SULF2: variants seen among roughly 807,000 people sequenced by gnomAD.
The protein encoded by SULF2 is sulfatase 2, also known as extracellular sulfatase Sulf-2.
In SULF2, 52 loss-of-function variants were observed where a neutral mutation model predicts 107.7. That is an observed-to-expected ratio of 0.48 (90% CI 0.39 to 0.61). The LOEUF (loss-of-function observed/expected upper bound fraction) is 0.61, where lower values mean the gene tolerates loss of function less well. SULF2 is among the 20% of genes least tolerant of loss of function. The probability of loss-of-function intolerance (pLI) is 0.00; values close to 1 mark genes in which losing one functional copy is unlikely to be tolerated. For missense variants in SULF2, 993 were observed against 1,177.3 expected (o/e 0.84, Z 2.29); for synonymous variants, 460 against 464.3 (o/e 0.99, Z 0.12).
At chr20:47,668,657 G>A (rs1425223906) in intron 11 of SULF2, among the ~76,000 whole-genome samples, 2 of 152,228 alleles carry the variant, frequency 1.3e-5, no homozygotes, top group African/African-American at 2.4e-5. Context: ...AGGATGGCAC[G>A]AAACGGAACT....
At chr20:47,684,677 G>C (rs1257140659) in intron 5 of SULF2, 96 bp from the exon 6 acceptor site, 1 of 1,312,156 alleles carries the variant, frequency 7.6e-7, no homozygotes, top group Non-Finnish European at 1.1e-6. Flanking sequence ...GCCACCCTGT[G>C]CTGTGTCTGC....
rs547047269 is a variant in SULF2, at chr20:47,774,684, T to G, written c.-101+10659A>C. Among the ~76,000 whole-genome samples, 241 of 152,300 alleles carry G rather than the reference T, an allele frequency of 1.6e-3. 1 individual carries two copies. Among genetic ancestry groups the G allele is most frequent in the Middle Eastern group, 0.01 (3 of 294 alleles). On this transcript the variant is annotated intron_variant, in intron 1 of 20. Transcript: ENST00000688720. ...GCTCTGCCAGGGGTGGAGTCACCTA[T>G]GCAGGGGCGGTGCAGAGATTTCTAA...
At chr20:47,725,144 C>A (rs377518514) in intron 3 of SULF2, among the ~76,000 whole-genome samples, 1 of 152,124 alleles carries the variant, frequency 6.6e-6, no homozygotes, top group Non-Finnish European at 1.5e-5. Context: ...GGTGGGCGGG[C>A]GACATTTGCC....
chr20:47,750,800 T>TCTGAGCCTG (rs2090142580), intron 2 of SULF2, among the ~76,000 whole-genome samples: 1 of 152,246 alleles, frequency 6.6e-6, no homozygotes, highest in Non-Finnish European at 1.5e-5. Flanking sequence ...TCTTTGCGGC[T>TCTGAGCCTG]CTGAGCCTGC....
intron 3 of SULF2, among the ~76,000 whole-genome samples, chr20:47,705,264 G>T (rs1392544177): frequency 1.3e-5 from 2 of 152,186 alleles, no homozygotes; most frequent in Non-Finnish European, 2.9e-5. Context: ...TAAGGTCCGG[G>T]ATGGAACCTC....
chr20:47,761,503 G>A (rs1006141694), intron 1 of SULF2, among the ~76,000 whole-genome samples: 2 of 152,204 alleles, frequency 1.3e-5, no homozygotes, highest in Non-Finnish European at 2.9e-5. Flanking sequence ...AAGATAAATG[G>A]AAAGTGGACA....
intron 4 of SULF2, among the ~76,000 whole-genome samples, chr20:47,693,502 A>T (rs975731063): frequency 1.2e-4 from 19 of 152,384 alleles, no homozygotes; most frequent in African/African-American, 4.1e-4. Flanking sequence ...CTAGGAGAAG[A>T]TATACAATGG....
intron 3 of SULF2, among the ~76,000 whole-genome samples, chr20:47,713,424 G>T (rs2088999226): frequency 6.6e-6 from 1 of 152,156 alleles, no homozygotes; most frequent in South Asian, 2.1e-4. Flanking sequence ...AGTTTAAAAA[G>T]TTGTCCAAAT....
At chr20:47,770,358 G>A (rs899772401) in intron 1 of SULF2, among the ~76,000 whole-genome samples, 2 of 152,080 alleles carry the variant, frequency 1.3e-5, no homozygotes, top group South Asian at 4.2e-4. Context: ...ACCATGCCCA[G>A]CCCTGATGTA....
chr20:47,667,352 G>A (rs1307225309), intron 11 of SULF2, among the ~76,000 whole-genome samples: 1 of 152,130 alleles, frequency 6.6e-6, no homozygotes, highest in Admixed American at 6.5e-5. Context: ...GCTGAGGGGG[G>A]CTTTTGCATA....
At chr20:47,681,962 G>A (rs1479556704) in intron 7 of SULF2, among the ~76,000 whole-genome samples, 3 of 152,126 alleles carry the variant, frequency 2.0e-5, no homozygotes, top group East Asian at 3.9e-4. Flanking sequence ...TGGGATTACA[G>A]GCATGAGCCA....
At chr20:47,764,899 C>G (rs1257770267) in intron 1 of SULF2, among the ~76,000 whole-genome samples, 1 of 152,192 alleles carries the variant, frequency 6.6e-6, no homozygotes, top group African/African-American at 2.4e-5. Flanking sequence ...TCACGCCACC[C>G]TTACAACCAC....
intron 4 of SULF2, among the ~76,000 whole-genome samples, chr20:47,696,693 T>G (rs1360278221): frequency 2.6e-5 from 4 of 151,636 alleles, no homozygotes; most frequent in African/African-American, 9.7e-5. Flanking sequence ...CAGTAAGGAG[T>G]GTGGTGGGGG....
At position 47,757,237 on chromosome 20, in the gene SULF2, G is replaced by C; in HGVS notation, c.127C>G (p.Arg43Gly). 6.4e-7 allele frequency: 1 copy of C among 1,567,070 alleles called. No homozygotes were observed. Among genetic ancestry groups the C allele is most frequent in the Non-Finnish European group, 8.7e-7 (1 of 1,154,954 alleles). The change falls in exon 2 of 21, where the codon CGC (arginine) becomes GGC (glycine). Residue 43 changes from arginine to glycine, a missense_variant. Around this residue, in one of 3 missense-constraint regions of SULF2, gnomAD observed 388 missense variants for 449.2 expected, o/e 0.86. Transcript: ENST00000688720. ...GTCAGCACCAGGATGATGTTGGGGC[G>C]GATGTTCCTGCGGTCCCTCTGAAAC... ...GRFQRDRRNI[R>G]PNIILVLTDD...
chr20:47,768,139 G>A (rs1216115149), intron 1 of SULF2, among the ~76,000 whole-genome samples: 1 of 152,168 alleles, frequency 6.6e-6, no homozygotes, highest in African/African-American at 2.4e-5. Flanking sequence ...CTCACTCCAT[G>A]TGGTTCCAAT....
In SULF2 at chr20:47,752,641, CT is replaced by C. The variant is rs773223467; in HGVS notation, c.175+4547del. On this transcript the variant is annotated intron_variant, in intron 2 of 20. Transcript: ENST00000688720. ...TGGTGCGCACCTGTAGTCCCAGCTA[CT>C]TCGGGGGCTGGGGTAAGAGGATTGC... Among the ~76,000 whole-genome samples, 7 of 151,468 alleles carry C rather than the reference CT, an allele frequency of 4.6e-5. No homozygotes were observed. The East Asian group carries it at 1.4e-3, about 29-fold the overall frequency.
intron 18 of SULF2, among the ~76,000 whole-genome samples, chr20:47,660,318 T>A (rs923162600): frequency 3.9e-5 from 6 of 152,236 alleles, no homozygotes; most frequent in African/African-American, 9.6e-5. Flanking sequence ...GTGGCAGAGA[T>A]TAGGAAGCTA....
rs533786697 is a variant in SULF2 at position 47,735,323 on chromosome 20, C to G, written c.415+1380G>C. 7.3e-3 allele frequency among the ~76,000 whole-genome samples: 1,107 copies of G among 152,166 alleles called. 14 individuals are homozygous for G. Among genetic ancestry groups the G allele is most frequent in the African/African-American group, 0.024 (995 of 41,502 alleles). On this transcript the variant is annotated intron_variant, in intron 3 of 20. Transcript: ENST00000688720. ...ACTCCTCAGACATATTTTCTTTGGC[C>G]CCCAGTATACATTAAAGAAAAAATA...
chr20:47,742,258 C>T (rs958803856), intron 2 of SULF2, among the ~76,000 whole-genome samples: 4 of 152,190 alleles, frequency 2.6e-5, no homozygotes, highest in Non-Finnish European at 4.4e-5. Context: ...ACAGCTCCGA[C>T]GGGAGGGAAG....
Sources: allele counts gnomAD v4.1 joint callset (sites outside exome capture counted in the v4.1 genomes callset), GRCh38; gene constraint gnomAD v4.1.1; regional missense constraint gnomAD v4.1.1; transcripts MANE v1.5; gene names NCBI Gene and HGNC (gene_info 2026-07-23, HGNC 2026-07-21).